Variants in RALYL observed in about 807,000 individuals in gnomAD.
RALYL encodes RNA-binding Raly-like protein.
In RALYL, 29 loss-of-function variants were observed where a neutral mutation model predicts 35.1. The ratio of observed to expected loss-of-function variants is 0.83; its 90% CI spans 0.61 to 1.13. The LOEUF (loss-of-function observed/expected upper bound fraction) is 1.13, where lower values mean the gene tolerates loss of function less well. Ranked by LOEUF, RALYL falls within the 50% of genes most tolerant of loss-of-function variation. The probability of loss-of-function intolerance (pLI) is 0.00; values close to 1 mark genes in which losing one functional copy is unlikely to be tolerated. For synonymous variants in RALYL, 120 were observed against 127.6 expected, an observed-to-expected ratio of 0.94 and a Z score of 0.40; for missense variants, 359 against 360.4, an observed-to-expected ratio of 1.00 and a Z score of 0.03.
intron 1 of RALYL, among the ~76,000 whole-genome samples, chr8:84,460,032 G>A (rs1226143070): frequency 6.6e-6 from 1 of 151,670 alleles, no homozygotes; most frequent in African/African-American, 2.4e-5. Flanking sequence ...AAGTGTAGTC[G>A]AAGCAATGAG....
At chr8:84,477,490 T>C (rs1257892435) in intron 1 of RALYL, among the ~76,000 whole-genome samples, 2 of 149,652 alleles carry the variant, frequency 1.3e-5, no homozygotes, top group East Asian at 3.9e-4. Context: ...ATTGAATTTA[T>C]ATATACATTC....
intron 1 of RALYL, among the ~76,000 whole-genome samples, chr8:84,424,907 T>G (rs562756448): frequency 6.6e-6 from 1 of 151,632 alleles, no homozygotes; most frequent in Non-Finnish European, 1.5e-5. Flanking sequence ...GTCTGCAGGT[T>G]CTCAGATCTC....
chr8:84,352,375 CAAAA>C (rs1375294877), intron 1 of RALYL, among the ~76,000 whole-genome samples: 1 of 150,216 alleles, frequency 6.7e-6, no homozygotes, highest in Non-Finnish European at 1.5e-5. Flanking sequence ...TAAAAATACT[CAAAA>C]GAAACAAATC....
At chr8:84,770,754 G>A (rs1815274304) in intron 2 of RALYL, among the ~76,000 whole-genome samples, 1 of 152,030 alleles carries the variant, frequency 6.6e-6, no homozygotes, top group Non-Finnish European at 1.5e-5. Flanking sequence ...TGGGGGTAAG[G>A]TGGTATAGCA....
At chr8:84,246,306 T>C (rs570483978) in intron 1 of RALYL, among the ~76,000 whole-genome samples, 2 of 152,276 alleles carry the variant, frequency 1.3e-5, no homozygotes, top group African/African-American at 4.8e-5. Flanking sequence ...CCTAAGGCTA[T>C]AGTAGTGAAT....
chr8:84,408,189 T>A (rs558469053), intron 1 of RALYL, among the ~76,000 whole-genome samples: 70 of 152,252 alleles, frequency 4.6e-4, no homozygotes, highest in African/African-American at 1.5e-3. Flanking sequence ...ATCATAAATC[T>A]CATCAGGGAC....
At chr8:84,643,309 G>A (rs1826793870) in intron 2 of RALYL, among the ~76,000 whole-genome samples, 1 of 152,034 alleles carries the variant, frequency 6.6e-6, no homozygotes, top group East Asian at 1.9e-4. Flanking sequence ...AGTCTAAATA[G>A]AGAAGAGCCC....
At chr8:84,772,384 A>G (rs1393936315) in intron 2 of RALYL, among the ~76,000 whole-genome samples, 1 of 152,126 alleles carries the variant, frequency 6.6e-6, no homozygotes, top group Non-Finnish European at 1.5e-5. Flanking sequence ...CTTCAGGCAT[A>G]TACATAAAAA....
intron 1 of RALYL, among the ~76,000 whole-genome samples, chr8:84,400,276 C>T (rs2042756033): frequency 6.6e-6 from 1 of 152,142 alleles, no homozygotes; most frequent in Admixed American, 6.5e-5. Flanking sequence ...TGAGGGTAAT[C>T]TTATACAGTG....
At chr8:84,754,786 C>T (rs543592258) in intron 2 of RALYL, among the ~76,000 whole-genome samples, 11 of 152,160 alleles carry the variant, frequency 7.2e-5, no homozygotes, top group Admixed American at 3.9e-4. Flanking sequence ...TGCCACCATG[C>T]GGTAGGTCTT....
chr8:84,890,546 T>A (rs1486103890), intron 8 of RALYL, among the ~76,000 whole-genome samples: 1 of 152,196 alleles, frequency 6.6e-6, no homozygotes, highest in East Asian at 1.9e-4. Context: ...TCAGAACTAC[T>A]TAGAGAACTT....
chr8:84,801,239 A>AAGAC (rs1823177261), intron 3 of RALYL, among the ~76,000 whole-genome samples: 1 of 152,132 alleles, frequency 6.6e-6, no homozygotes, highest in African/African-American at 2.4e-5. Context: ...TTCACCACAG[A>AAGAC]AGACACTTGG....
chr8:84,497,630 G>GTT (rs1181968193), intron 1 of RALYL, among the ~76,000 whole-genome samples: 14 of 119,118 alleles, frequency 1.2e-4, no homozygotes, highest in African/African-American at 3.8e-4. Flanking sequence ...TTTTTTTGTT[G>GTT]TTTTTGTTTT....
At chr8:84,301,137 T>A (rs1432239659) in intron 1 of RALYL, among the ~76,000 whole-genome samples, 2 of 152,048 alleles carry the variant, frequency 1.3e-5, no homozygotes, top group Non-Finnish European at 2.9e-5. Flanking sequence ...CCTTTTTAAA[T>A]GAAGCTTAAT....
At chr8:84,710,331 C>A (rs973757613) in intron 2 of RALYL, among the ~76,000 whole-genome samples, 1 of 152,080 alleles carries the variant, frequency 6.6e-6, no homozygotes, top group African/African-American at 2.4e-5. Flanking sequence ...CAGAGCCTCA[C>A]TCTGTCACCA....
intron 2 of RALYL, among the ~76,000 whole-genome samples, chr8:84,571,403 G>A (rs1807949886): frequency 1.3e-5 from 2 of 151,678 alleles, no homozygotes; most frequent in South Asian, 4.1e-4. Flanking sequence ...TTTGCAAATA[G>A]GGGTGTTCAT....
intron 2 of RALYL, among the ~76,000 whole-genome samples, chr8:84,701,041 G>A (rs1455037027): frequency 1.3e-5 from 2 of 152,150 alleles, no homozygotes; most frequent in Non-Finnish European, 2.9e-5. Flanking sequence ...TACCACAGGG[G>A]CAGCTGATAA....
At chr8:84,502,341 A>T (rs899452069) in intron 1 of RALYL, among the ~76,000 whole-genome samples, 3 of 152,058 alleles carry the variant, frequency 2.0e-5, no homozygotes, top group Admixed American at 6.5e-5. Context: ...TAGAAGAAAC[A>T]TCAGATGTAG....
intron 1 of RALYL, among the ~76,000 whole-genome samples, chr8:84,457,847 T>C (rs36107288): frequency 6.6e-6 from 1 of 151,836 alleles, no homozygotes; most frequent in African/African-American, 2.4e-5. Flanking sequence ...TCCTTTCTTG[T>C]ATTATTACTC....
Sources: gnomAD v4.1 joint callset for allele counts (sites outside exome capture counted in the v4.1 genomes callset) on GRCh38, gnomAD v4.1.1 for gene constraint, MANE v1.5 for transcripts, NCBI Gene and HGNC (gene_info 2026-07-23, HGNC 2026-07-21) for gene names.